SELENOS: variants seen among roughly 807,000 people sequenced by gnomAD.
SELENOS encodes the protein selenoprotein S.
In SELENOS, 37 loss-of-function variants were observed where a neutral mutation model predicts 30.2. The ratio of observed to expected loss-of-function variants is 1.23; its 90% CI spans 0.94 to 1.61. SELENOS has a LOEUF of 1.61. Ranked by LOEUF, SELENOS falls within the 40% of genes most tolerant of loss-of-function variation. SELENOS has a pLI of 0.00. For missense variants in SELENOS, 289 were observed against 231.8 expected (o/e 1.25, Z -1.60); for synonymous variants, 119 against 91.6 (o/e 1.30, Z -1.71).
At chr15:101,275,918 GAAAAAAA>G (rs11420308) in intron 2 of SELENOS, among the ~76,000 whole-genome samples, 2 of 113,256 alleles carry the variant, frequency 1.8e-5, no homozygotes, top group South Asian at 2.8e-4. Flanking sequence ...CCATCTCATA[GAAAAAAA>G]AAAAAAAAAG....
chr15:101,272,979 G>T, intron 5 of SELENOS, 123 bp from the exon 6 acceptor site: 1 of 814,314 alleles, frequency 1.2e-6, no homozygotes, highest in Non-Finnish European at 1.9e-6. Flanking sequence ...AGATCCTAAG[G>T]GACATTTAAA....
At position 101,274,650 on chromosome 15, in the gene SELENOS, T is replaced by C. The variant is rs1401498989; in HGVS notation, c.350A>G (p.Glu117Gly). ...LEEEKRRQKI[E>G]MWDSMQEGKS... ...TCCTTCTTGCATGCTGTCCCACATT[T>C]CAATCTTCTGTCTCCTTTTTTCTTC... Residue 117 changes from glutamate to glycine, a missense_variant, in exon 4 of 6, where the codon GAA (glutamate) becomes GGA (glycine). Transcript: ENST00000526049. The C allele has an allele frequency of 6.2e-7, 1 of 1,613,334 alleles. No individual in the cohort carries two copies. The highest frequency in any genetic ancestry group is 8.5e-7 in the Non-Finnish European group (1 of 1,179,772).
chr15:101,271,753 T>C (rs935335570), downstream of SELENOS: 1 of 152,216 alleles, frequency 6.6e-6, no homozygotes, highest in Non-Finnish European at 1.5e-5. Flanking sequence ...CTTCTGATGA[T>C]CTAGACGGGG....
chr15:101,275,121 A>C lies in SELENOS; in HGVS notation c.318+134T>G, dbSNP rs201898801. Reference sequence around the variant, plus strand: ...TATCACCAATACTTACATGGTAGGAACTGAAATGCTTATTGAATCTAATGG... The same window carrying C: ...TATCACCAATACTTACATGGTAGGACCTGAAATGCTTATTGAATCTAATGG... On this transcript the variant is annotated intron_variant, in intron 3 of 5. Coordinates refer to ENST00000526049, the MANE Select transcript of SELENOS (RefSeq NM_018445.6). 182 of 694,228 alleles carry C rather than the reference A, an allele frequency of 2.6e-4. 1 individual carries two copies. The East Asian group carries it at 5.1e-3, about 20-fold the overall frequency. 43.0% of individuals were successfully genotyped at this position (694,228 alleles called of 1,614,324 possible).
Position 101,277,479 on chromosome 15 carries a change from C to T in SELENOS, c.-62G>A. 1.5e-6 allele frequency: 2 copies of T among 1,370,846 alleles called. No individual in the cohort carries two copies. Among genetic ancestry groups the T allele is most frequent in the Non-Finnish European group, 1.9e-6 (2 of 1,073,426 alleles). 84.9% of individuals were successfully genotyped at this position (1,370,846 alleles called of 1,614,324 possible). On this transcript the variant is annotated 5_prime_UTR_variant, in exon 1 of 6. Coordinates refer to ENST00000526049, the MANE Select transcript of SELENOS (RefSeq NM_018445.6). ...CGCCTCCAGCCGGGCGCTTCCGGTG[C>T]GCTCCTACGCACACGTGGCGCGCCC...
At position 101,272,753 on chromosome 15, in the gene SELENOS, G is replaced by A. The variant is rs772285570; in HGVS notation, c.*18C>T. On this transcript the variant is annotated 3_prime_UTR_variant, in exon 6 of 6. Transcript: ENST00000526049. ...AGGGTTCATCTTGCTAATGTCAAAA[G>A]TGACACTAACAAGATTCTTAGCCTC... 3.1e-6 allele frequency: 5 copies of A among 1,596,666 alleles called. No homozygotes were observed. The highest frequency in any genetic ancestry group is 4.3e-6 in the Non-Finnish European group (5 of 1,171,170).
Position 101,277,354 on chromosome 15 carries a change from G to T in SELENOS, c.64C>A (p.Leu22Met). 1.3e-6 allele frequency: 2 copies of T among 1,515,348 alleles called. No homozygotes were observed. The highest frequency in any genetic ancestry group is 2.4e-5 in the South Asian group (2 of 81,722). 93.9% of individuals were successfully genotyped at this position (1,515,348 alleles called of 1,614,324 possible). Residue 22 changes from leucine (L) to methionine (M), a missense_variant, in exon 1 of 6, where the codon CTG becomes ATG. Physicochemically the swap from Leu to Met is conservative, Grantham distance 15. Transcript: ENST00000526049. ...PALETEGLRF[L>M]HTTVGSLLAT... ...CGCAACGACTCACCCGTGGTGTGCA[G>T]GAAGCGCAGCCCCTCGGTCTCCAGG... is the stretch of plus-strand genomic sequence containing the variant.
chr15:101,277,447 G>A lies in SELENOS; in HGVS notation c.-30C>T, dbSNP rs1278990070. On this transcript the variant is annotated 5_prime_UTR_variant, in exon 1 of 6. Coordinates refer to ENST00000526049, the MANE Select transcript of SELENOS (RefSeq NM_018445.6). The stretch of plus-strand genomic sequence containing the variant: ...GCCGCCGCCGCCGCCGCCCAGCCCT[G>A]CCGCCGCGCCTCCAGCCGGGCGCTT... 13 of 1,424,924 alleles carry A rather than the reference G, an allele frequency of 9.1e-6. No homozygotes were observed. The highest frequency in any genetic ancestry group is 3.0e-5 in the African/African-American group (2 of 66,468). 88.3% of individuals were successfully genotyped at this position (1,424,924 alleles called of 1,614,324 possible).
chr15:101,271,383 C>T (rs1323567462), downstream of SELENOS: 2 of 152,230 alleles, frequency 1.3e-5, no homozygotes, highest in Non-Finnish European at 2.9e-5. Flanking sequence ...GGCTTCCCCA[C>T]ACCTCACAAG....
At chr15:101,271,171 T>C (rs928964444), downstream of SELENOS, 1 of 152,242 alleles carries the variant, frequency 6.6e-6, no homozygotes, top group Non-Finnish European at 1.5e-5. Flanking sequence ...GACAGCCACT[T>C]CACAAACATT....
At chr15:101,277,182 A>C in intron 1 of SELENOS, 160 bp downstream of exon 1, 1 of 1,248,224 alleles carries the variant, frequency 8.0e-7, no homozygotes, top group Non-Finnish European at 1.1e-6. Context: ...CCTCCGCGCA[A>C]GGTCCGGGCC....
chr15:101,274,630 C>T lies in SELENOS; in HGVS notation c.370G>A (p.Glu124Lys), dbSNP rs761058211. The change falls in exon 4 of 6, where the codon GAA becomes AAA. Residue 124 changes from glutamate (E) to lysine (K), a missense_variant. Coordinates refer to ENST00000526049, the MANE Select transcript of SELENOS (RefSeq NM_018445.6). ...GCATTTCCTTTGTAACTTTTTCCTT[C>T]TTGCATGCTGTCCCACATTTCAATC... ...QKIEMWDSMQEGKSYKGNAKK... is the reference protein window; with the variant it reads ...QKIEMWDSMQKGKSYKGNAKK... The T allele has an allele frequency of 1.9e-6, 3 of 1,613,592 alleles. No homozygotes were observed. In the African/African-American group the frequency reaches 4.0e-5, roughly 22 times the overall value.
At position 101,272,680 on chromosome 15, in the gene SELENOS, G is replaced by T; in HGVS notation, c.*91C>A. 2.3e-6 allele frequency: 3 copies of T among 1,333,326 alleles called. No individual in the cohort carries two copies. Among genetic ancestry groups the T allele is most frequent in the Non-Finnish European group, 3.2e-6 (3 of 951,330 alleles). 82.6% of individuals were successfully genotyped at this position (1,333,326 alleles called of 1,614,324 possible). ...ACAGAAATCAACCCCACCTCCCCTTGGCTAGTCACTGTGAAAAGCGTGCGT... is the reference window on the plus strand; with the variant it reads ...ACAGAAATCAACCCCACCTCCCCTTTGCTAGTCACTGTGAAAAGCGTGCGT... On this transcript the variant is annotated 3_prime_UTR_variant, in exon 6 of 6. Coordinates refer to ENST00000526049, the MANE Select transcript of SELENOS (RefSeq NM_018445.6).
downstream of SELENOS, chr15:101,272,098 AGTCTGTCAACTTTCAAAATCACGGCAGCT>A (rs766156520): frequency 1.3e-5 from 2 of 152,234 alleles, no homozygotes; most frequent in African/African-American, 4.8e-5. Flanking sequence ...AACCCCAAGG[AGTCTGTCAACTTTCAAAATCACGGCAGCT>A]GTCTGCCACT....
chr15:101,273,791 T>A (rs1236221912), intron 5 of SELENOS, among the ~76,000 whole-genome samples: 1 of 152,222 alleles, frequency 6.6e-6, no homozygotes, highest in African/African-American at 2.4e-5. Context: ...AAAGACACCA[T>A]CAGGGCCTCT....
intron 5 of SELENOS, among the ~76,000 whole-genome samples, chr15:101,273,260 T>C (rs533763826): frequency 6.6e-6 from 1 of 152,274 alleles, no homozygotes; most frequent in African/African-American, 2.4e-5. Context: ...AACTTGTCAC[T>C]TCTACCAGTC....
chr15:101,277,086 T>C (rs934651379), intron 1 of SELENOS: 5 of 691,222 alleles, frequency 7.2e-6, no homozygotes, highest in African/African-American at 5.4e-5. Context: ...CCCCAGTAAC[T>C]ACCACAGGAA....
chr15:101,275,226 C>G, intron 3 of SELENOS, 29 bp downstream of exon 3: 2 of 1,512,656 alleles, frequency 1.3e-6, no homozygotes, highest in Non-Finnish European at 1.8e-6. Flanking sequence ...AATTTCTATG[C>G]ACACATTCAA....
rs749782534 is a variant in SELENOS, at chr15:101,276,535, A to G, written c.211+6T>C. The G allele has an allele frequency of 5.8e-5, 93 of 1,598,690 alleles. No individual in the cohort carries two copies. The highest frequency in any genetic ancestry group is 7.7e-5 in the Non-Finnish European group (91 of 1,175,186). On this transcript the variant is annotated splice_donor_region_variant and intron_variant, in intron 2 of 5. Transcript: ENST00000526049. ...ACCGCTTTCATTTCGGTTATCAGGCACTAACCCACAGCAGCCGCAGCTCGG... is the reference window on the plus strand; with the variant it reads ...ACCGCTTTCATTTCGGTTATCAGGCGCTAACCCACAGCAGCCGCAGCTCGG...
Sources: allele counts gnomAD v4.1 joint callset (sites outside exome capture counted in the v4.1 genomes callset), GRCh38; gene constraint gnomAD v4.1.1; transcripts MANE v1.5; gene names NCBI Gene and HGNC (gene_info 2026-07-23, HGNC 2026-07-21).